The following KIF3C variants were observed in gnomAD, a reference collection of about 807,000 sequenced individuals.
The protein encoded by KIF3C is kinesin family member 3C.
A neutral mutation model predicts 67.7 loss-of-function variants in KIF3C; 12 were observed. The ratio of observed to expected loss-of-function variants is 0.18; its 90% confidence interval spans 0.11 to 0.29. KIF3C has a LOEUF of 0.29. Among genes scored for constraint, KIF3C ranks in the 10% least tolerant of loss-of-function variants. The pLI, the probability that KIF3C is intolerant of heterozygous loss-of-function variation, is 1.00. For missense variants in KIF3C, 789 were observed against 1,059.6 expected (o/e 0.74, Z 3.55); for synonymous variants, 393 against 426.2 (o/e 0.92, Z 0.96).
chr2:25,952,665 C>T (rs1161915873), intron 4 of KIF3C, among the ~76,000 whole-genome samples: 3 of 151,574 alleles, frequency 2.0e-5, no homozygotes, highest in Non-Finnish European at 2.9e-5. Flanking sequence ...TCAAGTGATT[C>T]TCCTGCCTCA....
intron 5 of KIF3C, among the ~76,000 whole-genome samples, chr2:25,935,033 C>G (rs1399817450): frequency 6.6e-6 from 1 of 152,048 alleles, no homozygotes; most frequent in Non-Finnish European, 1.5e-5. Context: ...CACCTGAGGT[C>G]AGGAGTTCGA....
At chr2:25,940,494 C>T (rs1476252676) in intron 5 of KIF3C, among the ~76,000 whole-genome samples, 1 of 151,330 alleles carries the variant, frequency 6.6e-6, no homozygotes, top group Non-Finnish European at 1.5e-5. Context: ...TCGCTTGAAC[C>T]CAGGAGTGGG....
In KIF3C at chr2:25,955,493, C is replaced by G. The variant is rs1352988272; in HGVS notation, c.1770+48G>C. ...GAAGCACACATCCCTTGGGCAGAGA[C>G]TGCTGGGCCTCCAGCACACCTTAAC... On this transcript the variant is annotated intron_variant, in intron 3 of 7. Transcript: ENST00000264712. The surrounding 1 kb of genome is among the most constrained non-coding windows in gnomAD (Gnocchi z 5.0). The G allele has an allele frequency of 6.2e-7, 1 of 1,606,598 alleles. No homozygotes were observed. Among genetic ancestry groups the G allele is most frequent in the Non-Finnish European group, 8.5e-7 (1 of 1,174,974 alleles).
chr2:25,939,964 G>T (rs1178440638), intron 5 of KIF3C, among the ~76,000 whole-genome samples: 1 of 151,470 alleles, frequency 6.6e-6, no homozygotes, highest in Non-Finnish European at 1.5e-5. Context: ...AAATAAAAAT[G>T]AAAATAAATA....
chr2:25,973,384 T>A (rs1664328608), intron 1 of KIF3C, among the ~76,000 whole-genome samples: 1 of 151,952 alleles, frequency 6.6e-6, no homozygotes, highest in Non-Finnish European at 1.5e-5. Context: ...TGAAACCCCA[T>A]CTCTACTAAA....
At chr2:25,978,086 G>A (rs1664462321) in intron 1 of KIF3C, among the ~76,000 whole-genome samples, 1 of 152,136 alleles carries the variant, frequency 6.6e-6, no homozygotes, top group Admixed American at 6.5e-5. Context: ...CTGAGGGCTG[G>A]AGAGGGAAAG....
Position 25,980,355 on chromosome 2 carries a change from C to T in KIF3C, c.1545+18G>A. ...CTGCGGGGACATCTCGAGTGCCCAG[C>T]TCCTCTGGGGCCCTTACCTTGTACT... On this transcript the variant is annotated intron_variant, in intron 1 of 7. Transcript: ENST00000264712. The surrounding 1 kb of genome is among the most constrained non-coding windows in gnomAD (Gnocchi z 7.6). 6.3e-7 allele frequency: 1 copy of T among 1,594,982 alleles called. No individual in the cohort carries two copies. The highest frequency in any genetic ancestry group is 8.6e-7 in the Non-Finnish European group (1 of 1,168,236).
chr2:25,972,100 C>T (rs80007925), intron 1 of KIF3C, among the ~76,000 whole-genome samples: 11,589 of 151,754 alleles, frequency 0.076, 506 homozygotes, highest in Middle Eastern at 0.095. Context: ...ACTGGCCAGG[C>T]GCAGTGGGCT....
chr2:25,948,658 G>GA (rs900500403), intron 5 of KIF3C, among the ~76,000 whole-genome samples: 1 of 138,006 alleles, frequency 7.2e-6, no homozygotes, highest in Non-Finnish European at 1.5e-5. Context: ...GAGAGAAAGA[G>GA]AAAGAGAGAA....
intron 5 of KIF3C, among the ~76,000 whole-genome samples, chr2:25,938,880 A>AT (rs1488464442): frequency 6.6e-6 from 1 of 151,546 alleles, no homozygotes; most frequent in Non-Finnish European, 1.5e-5. Context: ...GGCTACTATC[A>AT]TTTTTTCCCC....
chr2:25,977,415 AC>A (rs1208064550), intron 1 of KIF3C, among the ~76,000 whole-genome samples: 1 of 152,102 alleles, frequency 6.6e-6, no homozygotes, highest in Non-Finnish European at 1.5e-5. Flanking sequence ...TGATGCCATA[AC>A]TCAGAAAGGG....
chr2:25,947,010 C>A (rs1308242091), intron 5 of KIF3C, among the ~76,000 whole-genome samples: 1 of 151,662 alleles, frequency 6.6e-6, no homozygotes, highest in Non-Finnish European at 1.5e-5. Context: ...AAAAATTTAA[C>A]CAAGTGTGGT....
rs779798308 is a variant in KIF3C at position 25,929,967 on chromosome 2, G to A, written c.2103C>T (p.His701=). Residue 701 remains histidine, a synonymous_variant, in exon 6 of 8, where the codon CAC becomes CAT. Coordinates refer to ENST00000264712, the MANE Select transcript of KIF3C (RefSeq NM_002254.8). ...CTCCGCTTCTTACCCTGTACCTGGG[G>A]TGGGACCCCATTGCCATGGCAACCC... ...YARVAMAMGS[H]PRYRAENIMF... 3.7e-6 allele frequency: 6 copies of A among 1,612,422 alleles called. No homozygotes were observed. Among genetic ancestry groups the A allele is most frequent in the Non-Finnish European group, 4.2e-6 (5 of 1,178,438 alleles).
chr2:25,977,133 G>A (rs74750024), intron 1 of KIF3C, among the ~76,000 whole-genome samples: 414 of 150,064 alleles, frequency 2.8e-3, no homozygotes, highest in African/African-American at 9.8e-3. Context: ...TTGCACACCC[G>A]AACATCCCCT....
At chr2:25,959,480 C>G (rs1463544346) in intron 1 of KIF3C, among the ~76,000 whole-genome samples, 8 of 152,076 alleles carry the variant, frequency 5.3e-5, no homozygotes, top group Admixed American at 2.0e-4. Context: ...TCCTTGGGCT[C>G]TCTTTTTTTT....
intron 5 of KIF3C, among the ~76,000 whole-genome samples, chr2:25,943,012 TACAA>T (rs560081010): frequency 4.2e-4 from 64 of 152,298 alleles, no homozygotes; most frequent in Middle Eastern, 3.4e-3. Flanking sequence ...GGTAATTTCT[TACAA>T]ACAATGTTTT....
At position 25,958,086 on chromosome 2, in the gene KIF3C, G is replaced by A. The variant is rs924953915; in HGVS notation, c.1546-1642C>T. Among the ~76,000 whole-genome samples, 6 of 152,030 alleles carry A rather than the reference G, an allele frequency of 3.9e-5. No individual in the cohort carries two copies. Among genetic ancestry groups the A allele is most frequent in the African/African-American group, 1.2e-4 (5 of 41,414 alleles). ...CTCATCCCTGCCCTGCCTCTCATCC[G>A]TTGCATCTGGCCAGTGAGTCAAGGC... On this transcript the variant is annotated intron_variant, in intron 1 of 7. Coordinates refer to ENST00000264712, the MANE Select transcript of KIF3C (RefSeq NM_002254.8). The surrounding 1 kb of genome is among the most constrained non-coding windows in gnomAD (Gnocchi z 4.5).
At chr2:25,933,844 AC>A (rs2090482688) in intron 5 of KIF3C, among the ~76,000 whole-genome samples, 1 of 152,134 alleles carries the variant, frequency 6.6e-6, no homozygotes, top group Non-Finnish European at 1.5e-5. Context: ...TTACCATATA[AC>A]CCAGCACTTC....
Position 25,982,262 on chromosome 2 carries a change from G to A in KIF3C, c.-345C>T. 4.9e-6 allele frequency: 2 copies of A among 408,800 alleles called. No homozygotes were observed. The highest frequency in any genetic ancestry group is 8.6e-6 in the Non-Finnish European group (2 of 232,408). The allele number at this position is 408,800 out of a possible 1,614,324, so 25.3% of individuals were successfully genotyped here. A position where few individuals can be genotyped will look rare whatever the true frequency, so the allele number is the denominator to read the frequency against. On this transcript the variant is annotated 5_prime_UTR_variant, in exon 1 of 8. Coordinates refer to ENST00000264712, the MANE Select transcript of KIF3C (RefSeq NM_002254.8). ...ACAGCTTCGGCAACAATGAGATAAAGGAAGAGGAAAATGGGATGGGGGTGG... is the reference window on the plus strand; with the variant it reads ...ACAGCTTCGGCAACAATGAGATAAAAGAAGAGGAAAATGGGATGGGGGTGG...
Sources: gnomAD v4.1 joint callset for allele counts (sites outside exome capture counted in the v4.1 genomes callset) on GRCh38, gnomAD v4.1.1 for gene constraint, Gnocchi (gnomAD v3.1) non-coding constraint, MANE v1.5 for transcripts, NCBI Gene and HGNC (gene_info 2026-07-23, HGNC 2026-07-21) for gene names.